Variants in CHAMP1 observed in about 807,000 individuals in gnomAD.
CHAMP1 encodes the protein chromosome alignment-maintaining phosphoprotein 1.
A neutral mutation model predicts 54.5 loss-of-function variants in CHAMP1; 4 were observed. The ratio of observed to expected loss-of-function variants is 0.07; its 90% CI spans 0.04 to 0.17. The LOEUF (loss-of-function observed/expected upper bound fraction) is 0.17, where lower values mean the gene tolerates loss of function less well. Among genes scored for constraint, CHAMP1 ranks in the 10% least tolerant of loss-of-function variants. The pLI, the probability that CHAMP1 is intolerant of heterozygous loss-of-function variation, is 1.00. For missense variants in CHAMP1, 994 were observed against 968.6 expected (o/e 1.03, Z -0.35); for synonymous variants, 368 against 342.2 (o/e 1.08, Z -0.83).
rs782285906 is a variant in CHAMP1, at chr13:114,325,511, C to T, written c.1669C>T (p.His557Tyr). Residue 557 changes from histidine (H) to tyrosine (Y), a missense_variant, in exon 3 of 3, where the codon CAT (histidine) becomes TAT (tyrosine). This residue lies in a region of CHAMP1 where 851 missense variants were observed against 701.3 expected (regional missense o/e 1.21). Coordinates refer to ENST00000361283, the MANE Select transcript of CHAMP1 (RefSeq NM_032436.4). ...TGCCCTTTTTCCAGAGCCCCGGAAGCATGCCCTTTTCCCTGAACTCCCCAA... is the reference window on the plus strand; with the variant it reads ...TGCCCTTTTTCCAGAGCCCCGGAAGTATGCCCTTTTCCCTGAACTCCCCAA... ...KRALFPEPRK[H>Y]ALFPELPKSA... The T allele has an allele frequency of 3.2e-5, 52 of 1,614,062 alleles. 1 individual carries two copies. Among genetic ancestry groups the T allele is most frequent in the Non-Finnish European group, 4.2e-5 (50 of 1,180,060 alleles).
intron 2 of CHAMP1, among the ~76,000 whole-genome samples, chr13:114,321,749 A>G (rs1331711283): frequency 2.0e-5 from 3 of 152,186 alleles, no homozygotes; most frequent in African/African-American, 7.2e-5. Flanking sequence ...TTTGTAAGTT[A>G]AAGATCATTT....
At position 114,324,688 on chromosome 13, in the gene CHAMP1, C is replaced by T. The variant is rs2087218663; in HGVS notation, c.846C>T (p.Ser282=). ...RTTSPEPRKP[S]PSESPEPWKP... is the part of the protein sequence containing the mutation. ...CCTCCCCTGAGCCAAGGAAGCCATC[C>T]CCTTCAGAGTCTCCTGAACCTTGGA... Residue 282 remains serine, a synonymous_variant, in exon 3 of 3, where the codon TCC becomes TCT. Transcript: ENST00000361283. 6.2e-7 allele frequency: 1 copy of T among 1,613,834 alleles called. No individual in the cohort carries two copies. The highest frequency in any genetic ancestry group is 8.5e-7 in the Non-Finnish European group (1 of 1,179,892).
rs34004547 is a variant in CHAMP1, at chr13:114,325,456, C to G, written c.1614C>G (p.Ala538=). The G allele has an allele frequency of 6.2e-7, 1 of 1,614,070 alleles. No homozygotes were observed. Among genetic ancestry groups the G allele is most frequent in the Non-Finnish European group, 8.5e-7 (1 of 1,180,022 alleles). Residue 538 remains alanine, a synonymous_variant, in exon 3 of 3, where the codon GCC becomes GCG. Coordinates refer to ENST00000361283, the MANE Select transcript of CHAMP1 (RefSeq NM_032436.4). ...PALFPEPAKT[A]PPASPEARKR... ...TGTTTCCCGAGCCTGCCAAAACAGCCCCTCCTGCTTCTCCAGAAGCACGCA... is the reference window on the plus strand; with the variant it reads ...TGTTTCCCGAGCCTGCCAAAACAGCGCCTCCTGCTTCTCCAGAAGCACGCA...
intron 1 of CHAMP1, among the ~76,000 whole-genome samples, chr13:114,316,199 T>G (rs1283555705): frequency 6.6e-6 from 1 of 151,010 alleles, no homozygotes; most frequent in African/African-American, 2.4e-5. Flanking sequence ...GTTTCACTTT[T>G]GTTGCCTGGG....
At chr13:114,323,599 T>C (rs1354452141) in intron 2 of CHAMP1, 189 bp from the exon 3 acceptor site, 2 of 438,696 alleles carry the variant, frequency 4.6e-6, no homozygotes, top group South Asian at 5.3e-5. Context: ...TGAGATGATG[T>C]ATGTGAAACT....
At chr13:114,323,707 T>A in intron 2 of CHAMP1, 81 bp from the exon 3 acceptor site, 1 of 1,142,002 alleles carries the variant, frequency 8.8e-7, no homozygotes. Flanking sequence ...AGACTTAAAA[T>A]TATGCAGTTA....
intron 1 of CHAMP1, among the ~76,000 whole-genome samples, chr13:114,316,289 A>T (rs190044784): frequency 6.7e-6 from 1 of 148,792 alleles, no homozygotes; most frequent in Non-Finnish European, 1.5e-5. Context: ...TCAGCCTCCC[A>T]AGTAGCTGGG....
At chr13:114,321,052 A>G (rs1232263262) in intron 1 of CHAMP1, 58 bp from the exon 2 acceptor site, 2 of 150,248 alleles carry the variant, frequency 1.3e-5, no homozygotes, top group African/African-American at 4.9e-5. Context: ...TACAGGGGGC[A>G]CACACGATCA....
chr13:114,317,831 G>C (rs1286511636), intron 1 of CHAMP1, among the ~76,000 whole-genome samples: 1 of 152,134 alleles, frequency 6.6e-6, no homozygotes, highest in African/African-American at 2.4e-5. Flanking sequence ...ACACCATCTG[G>C]CATAACATTG....
At position 114,325,626 on chromosome 13, in the gene CHAMP1, T is replaced by C. The variant is rs1173908062; in HGVS notation, c.1784T>C (p.Leu595Ser). 6.2e-7 allele frequency: 1 copy of C among 1,614,106 alleles called. No homozygotes were observed. The highest frequency in any genetic ancestry group is 8.5e-7 in the Non-Finnish European group (1 of 1,180,042). ...ATAGATGATCAAAAATGTGATATTT[T>C]GGTTCAGGAAGAACTTCTAGCTTCA... ...DAIDDQKCDI[L>S]VQEELLASPK... The change falls in exon 3 of 3, where the codon TTG becomes TCG. Residue 595 changes from leucine to serine, a missense_variant. Leu to Ser is a moderately radical substitution (Grantham distance 145). This residue lies in a region of CHAMP1 where 851 missense variants were observed against 701.3 expected (regional missense o/e 1.21). Coordinates refer to ENST00000361283, the MANE Select transcript of CHAMP1 (RefSeq NM_032436.4).
rs2139424670 is a variant in CHAMP1 at position 114,327,255 on chromosome 13, A to G, written c.*974A>G. The G allele has an allele frequency of 6.1e-6, 1 of 163,450 alleles. No homozygotes were observed. The highest frequency in any genetic ancestry group is 1.9e-4 in the East Asian group (1 of 5,192). The allele number at this position is 163,450 out of a possible 1,614,324, so 10.1% of individuals were successfully genotyped here. A position where few individuals can be genotyped will look rare whatever the true frequency, so the allele number is the denominator to read the frequency against. Reference sequence around the variant, plus strand: ...GTAAATACCTTGTACCTGTTCATGGATTATTTTATTCTAAAATATTTTGTC... The same window carrying G: ...GTAAATACCTTGTACCTGTTCATGGGTTATTTTATTCTAAAATATTTTGTC... On this transcript the variant is annotated 3_prime_UTR_variant, in exon 3 of 3. Transcript: ENST00000361283.
At chr13:114,315,841 T>G (rs914044714) in intron 1 of CHAMP1, among the ~76,000 whole-genome samples, 2 of 151,572 alleles carry the variant, frequency 1.3e-5, no homozygotes, top group African/African-American at 2.4e-5. Context: ...TTTTGTTTTT[T>G]TTTTTTTTTT....
chr13:114,323,033 T>A (rs1483081064), intron 2 of CHAMP1: 4 of 152,218 alleles, frequency 2.6e-5, no homozygotes, highest in Non-Finnish European at 4.4e-5. Flanking sequence ...GGTATGCGCC[T>A]TCACATCATT....
At chr13:114,315,232 C>T (rs2087081250) in intron 1 of CHAMP1, among the ~76,000 whole-genome samples, 1 of 152,072 alleles carries the variant, frequency 6.6e-6, no homozygotes, top group Non-Finnish European at 1.5e-5. Context: ...GAGATACCAC[C>T]TCACACCTGT....
intron 1 of CHAMP1, among the ~76,000 whole-genome samples, chr13:114,320,391 C>T (rs994527472): frequency 3.9e-5 from 6 of 152,130 alleles, no homozygotes; most frequent in African/African-American, 7.2e-5. Context: ...CCTCTTGGTC[C>T]TCTTTGTTGT....
chr13:114,317,446 T>C (rs2087113881), intron 1 of CHAMP1, among the ~76,000 whole-genome samples: 1 of 151,884 alleles, frequency 6.6e-6, no homozygotes, highest in Non-Finnish European at 1.5e-5. Context: ...GACAACATAG[T>C]GAGACCTCAT....
In CHAMP1 at chr13:114,324,046, C is replaced by T. The variant is rs1555379343; in HGVS notation, c.204C>T (p.Phe68=). ...SAKLFHCHKC[F]FTSKMYSNVY... is the part of the protein sequence containing the mutation. ...AGTTATTTCACTGCCATAAATGCTT[C>T]TTCACCAGCAAGATGTACTCTAATG... is the stretch of plus-strand genomic sequence containing the variant. Residue 68 remains phenylalanine, a synonymous_variant, in exon 3 of 3, where the codon TTC becomes TTT. Coordinates refer to ENST00000361283, the MANE Select transcript of CHAMP1 (RefSeq NM_032436.4). 2 of 1,614,186 alleles carry T rather than the reference C, an allele frequency of 1.2e-6. No homozygotes were observed. The highest frequency in any genetic ancestry group is 2.2e-5 in the East Asian group (1 of 44,888).
Position 114,324,993 on chromosome 13 carries a change from C to G in CHAMP1, c.1151C>G (p.Pro384Arg). ...TCACCCAGCTCCTGGAAGTCTCCCC[C>G]TGCATCTCCTGAGTCATGGAAGTCT... is the stretch of plus-strand genomic sequence containing the variant. ...SVSPSSWKSP[P>R]ASPESWKSGP... The change falls in exon 3 of 3, where the codon CCT becomes CGT. Residue 384 changes from proline to arginine, a missense_variant. Transcript: ENST00000361283. The G allele has an allele frequency of 1.2e-6, 2 of 1,614,158 alleles. No individual in the cohort carries two copies. Among genetic ancestry groups the G allele is most frequent in the Admixed American group, 3.3e-5 (2 of 60,026 alleles).
rs545355043 is a variant in CHAMP1, at chr13:114,326,359, A to C, written c.*78A>C. 2.9e-5 allele frequency: 42 copies of C among 1,448,916 alleles called. No individual in the cohort carries two copies. The East Asian group carries it at 9.4e-4, about 32-fold the overall frequency. The allele number at this position is 1,448,916 out of a possible 1,614,324, so 89.8% of individuals were successfully genotyped here. On this transcript the variant is annotated 3_prime_UTR_variant, in exon 3 of 3. Coordinates refer to ENST00000361283, the MANE Select transcript of CHAMP1 (RefSeq NM_032436.4). ...GTAAGTATAGCTTATCAGATAGCAT[A>C]GTTGGATCAGTAGATGACATGTATG...
Sources: allele counts gnomAD v4.1 joint callset (sites outside exome capture counted in the v4.1 genomes callset), GRCh38; gene constraint gnomAD v4.1.1; regional missense constraint gnomAD v4.1.1; transcripts MANE v1.5; gene names NCBI Gene and HGNC (gene_info 2026-07-23, HGNC 2026-07-21).